Variants in RNF215 observed in about 807,000 individuals in gnomAD.
RNF215 encodes the protein ring finger protein 215.
Under a neutral mutation model 44.8 loss-of-function variants are expected in RNF215, and 41 were observed. The observed-to-expected ratio is 0.92, with a 90% CI of 0.71 to 1.19. The LOEUF (loss-of-function observed/expected upper bound fraction) is 1.19. RNF215 is among the 50% of genes most tolerant of loss of function. RNF215 has a pLI of 0.00. For synonymous variants in RNF215, 218 were observed against 230.1 expected (o/e 0.95, Z 0.48); for missense variants, 452 against 496.2 (o/e 0.91, Z 0.85).
rs201066835 is a variant in RNF215, at chr22:30,386,054, G to A, written c.501+16C>T. 62 of 1,613,808 alleles carry A rather than the reference G, an allele frequency of 3.8e-5. No homozygotes were observed. Among genetic ancestry groups the A allele is most frequent in the Non-Finnish European group, 4.8e-5 (57 of 1,179,866 alleles). On this transcript the variant is annotated intron_variant, in intron 3 of 8. Transcript: ENST00000382363. ...TTTCCCCAGCTTGCTTACCCTCACG[G>A]CCTGGTCCGATTTACCTCTCGGACC...
intron 2 of RNF215, 32 bp from the exon 3 acceptor site, chr22:30,386,173 T>C (rs1933597515): frequency 1.9e-6 from 3 of 1,557,668 alleles, no homozygotes; most frequent in Non-Finnish European, 2.6e-6. Flanking sequence ...GAGGCTAGCA[T>C]ATACCCTGCC....
intron 5 of RNF215, among the ~76,000 whole-genome samples, chr22:30,383,722 G>A (rs80147493): frequency 6.6e-5 from 10 of 152,288 alleles, no homozygotes; most frequent in South Asian, 4.1e-4. Flanking sequence ...ACAAAGTGAC[G>A]CGCCTCATCA....
In RNF215 at chr22:30,380,777, ATCCTCCTGCACT is replaced by A. The variant is rs1016835530; in HGVS notation, c.745-388_745-377del. Among the ~76,000 whole-genome samples, 7 of 151,602 alleles carry A rather than the reference ATCCTCCTGCACT, an allele frequency of 4.6e-5. No homozygotes were observed. The highest frequency in any genetic ancestry group is 8.8e-5 in the Non-Finnish European group (6 of 67,878). On this transcript the variant is annotated intron_variant, in intron 5 of 8. Coordinates refer to ENST00000382363, the MANE Select transcript of RNF215 (RefSeq NM_001017981.2). This position sits in a 1 kb window ranked among gnomAD's most constrained non-coding sequence, Gnocchi z 5.3. ...GGGACCTGCTCACTCTCCCACCCCC[ATCCTCCTGCACT>A]TCCTCCTGGTCGGCTTTCTCAGGCC...
Position 30,380,544 on chromosome 22 carries a change from C to A in RNF215, c.745-143G>T. ...TCCCTGCAGTCCCCAGCTTCCTCTTCTGAAGGCTCCGTCTCTTCCATTGTG... is the reference window on the plus strand; with the variant it reads ...TCCCTGCAGTCCCCAGCTTCCTCTTATGAAGGCTCCGTCTCTTCCATTGTG... On this transcript the variant is annotated intron_variant, in intron 5 of 8. Transcript: ENST00000382363. The surrounding 1 kb of genome is among the most constrained non-coding windows in gnomAD (Gnocchi z 5.3). 1 of 1,007,162 alleles carries A rather than the reference C, an allele frequency of 9.9e-7. No homozygotes were observed. Among genetic ancestry groups the A allele is most frequent in the Non-Finnish European group, 1.4e-6 (1 of 697,670 alleles). 62.4% of individuals were successfully genotyped at this position (1,007,162 alleles called of 1,614,324 possible).
rs1401868749 is a variant in RNF215, at chr22:30,386,053, G to T, written c.501+17C>A. On this transcript the variant is annotated intron_variant, in intron 3 of 8. Coordinates refer to ENST00000382363, the MANE Select transcript of RNF215 (RefSeq NM_001017981.2). Reference sequence around the variant, plus strand: ...CTTTCCCCAGCTTGCTTACCCTCACGGCCTGGTCCGATTTACCTCTCGGAC... The same window carrying T: ...CTTTCCCCAGCTTGCTTACCCTCACTGCCTGGTCCGATTTACCTCTCGGAC... The T allele has an allele frequency of 6.2e-7, 1 of 1,613,772 alleles. No homozygotes were observed. Among genetic ancestry groups the T allele is most frequent in the African/African-American group, 1.3e-5 (1 of 75,016 alleles).
chr22:30,385,492 G>A (rs1477253593), intron 4 of RNF215, among the ~76,000 whole-genome samples: 1 of 150,344 alleles, frequency 6.7e-6, no homozygotes, highest in Non-Finnish European at 1.5e-5. Context: ...GGCAGCAGGG[G>A]CAGCAGCAGC....
Position 30,379,613 on chromosome 22 carries a change from T to C in RNF215, c.1121A>G (p.Tyr374Cys), listed in dbSNP as rs1933491526. The C allele has an allele frequency of 6.4e-7, 1 of 1,550,790 alleles. No individual in the cohort carries two copies. Residue 374 changes from tyrosine to cysteine, a missense_variant, in exon 9 of 9, where the codon TAC (tyrosine) becomes TGC (cysteine). Coordinates refer to ENST00000382363, the MANE Select transcript of RNF215 (RefSeq NM_001017981.2). ...LCKFNVLGNR[Y>C]SDD The stretch of plus-strand genomic sequence containing the variant: ...CCAGCTGGGCAGCTAATCATCGGAG[T>C]AGCGGTTCCCTGCAGGGGAGGGGAA...
At position 30,380,477 on chromosome 22, in the gene RNF215, C is replaced by T. The variant is rs571793536; in HGVS notation, c.745-76G>A. 1.7e-5 allele frequency: 26 copies of T among 1,510,764 alleles called. No individual in the cohort carries two copies. Among genetic ancestry groups the T allele is most frequent in the South Asian group, 9.2e-5 (7 of 75,680 alleles). The allele number at this position is 1,510,764 out of a possible 1,614,324, so 93.6% of individuals were successfully genotyped here. ...CCTTAGGAACATCTACCCCCAGGAA[C>T]GCCAGGGAGCAGGCAGGTGAGGTAT... On this transcript the variant is annotated intron_variant, in intron 5 of 8. Coordinates refer to ENST00000382363, the MANE Select transcript of RNF215 (RefSeq NM_001017981.2). This position sits in a 1 kb window ranked among gnomAD's most constrained non-coding sequence, Gnocchi z 5.3.
At position 30,380,149 on chromosome 22, in the gene RNF215, G is replaced by A. The variant is rs1933506189; in HGVS notation, c.921C>T (p.Arg307=). 1 of 1,613,914 alleles carries A rather than the reference G, an allele frequency of 6.2e-7. No homozygotes were observed. Among genetic ancestry groups the A allele is most frequent in the South Asian group, 1.1e-5 (1 of 91,088 alleles). Residue 307 remains arginine, a synonymous_variant, in exon 7 of 9, where the codon CGC becomes CGT. Coordinates refer to ENST00000382363, the MANE Select transcript of RNF215 (RefSeq NM_001017981.2). The surrounding 1 kb of genome is among the most constrained non-coding windows in gnomAD (Gnocchi z 5.3). ...VRRLASLKTR[R]CRLSRAAQGL... ...CCTGCGCTGCCCTGCTCAGCCGGCA[G>A]CGCCGTGTCTTGAGGGATGCCAGTC...
chr22:30,385,861 C>G, intron 4 of RNF215, 43 bp downstream of exon 4: 1 of 1,580,386 alleles, frequency 6.3e-7, no homozygotes. Flanking sequence ...CAGGGGCTCT[C>G]TGTACCCAGG....
Position 30,387,303 on chromosome 22 carries a change from G to A in RNF215, c.11C>T (p.Ala4Val), listed in dbSNP as rs1933618103. The A allele has an allele frequency of 1.9e-6, 2 of 1,068,430 alleles. No homozygotes were observed. The highest frequency in any genetic ancestry group is 1.4e-4 in the East Asian group (2 of 14,674). 66.2% of individuals were successfully genotyped at this position (1,068,430 alleles called of 1,614,324 possible). The change falls in exon 1 of 9, where the codon GCC becomes GTC. Residue 4 changes from alanine (A) to valine (V), a missense_variant. Physicochemically the swap from Ala to Val is moderately conservative, Grantham distance 64 (BLOSUM62 0). Coordinates refer to ENST00000382363, the MANE Select transcript of RNF215 (RefSeq NM_001017981.2). The stretch of plus-strand genomic sequence containing the variant: ...CGGCGATCTCAGCGCGGGGCGAGCG[G>A]CGGGGCCCATGGCCGGACCCGGCGA... MGP[A>V]ARPALRSPPP...
At chr22:30,385,819 TG>T in intron 4 of RNF215, 84 bp downstream of exon 4, 2 of 1,226,162 alleles carry the variant, frequency 1.6e-6, no homozygotes, top group African/African-American at 1.5e-5. Context: ...GGTAAGGCCC[TG>T]GTCCCAAGCC....
At chr22:30,384,985 T>G (rs774330629) in intron 4 of RNF215, among the ~76,000 whole-genome samples, 153 of 152,274 alleles carry the variant, frequency 1.0e-3, no homozygotes, top group South Asian at 3.9e-3. Context: ...CTAATTTTTG[T>G]ATTTTTTTGT....
rs550857239 is a variant in RNF215 at position 30,380,221 on chromosome 22, G to A, written c.865-16C>T. ...ACAGGTCCACCTGTGGGGAGAGGAC[G>A]GGCACAGTCTTGCAGGTCCAAGGGC... is the stretch of plus-strand genomic sequence containing the variant. On this transcript the variant is annotated splice_polypyrimidine_tract_variant and intron_variant, in intron 6 of 8. Coordinates refer to ENST00000382363, the MANE Select transcript of RNF215 (RefSeq NM_001017981.2). The surrounding 1 kb of genome is among the most constrained non-coding windows in gnomAD (Gnocchi z 5.3). 19 of 1,613,070 alleles carry A rather than the reference G, an allele frequency of 1.2e-5. No homozygotes were observed. Among genetic ancestry groups the A allele is most frequent in the South Asian group, 4.4e-5 (4 of 91,052 alleles).
Position 30,386,107 on chromosome 22 carries a change from A to T in RNF215, c.464T>A (p.Leu155Gln). The T allele has an allele frequency of 1.2e-6, 2 of 1,603,158 alleles. No homozygotes were observed. Among genetic ancestry groups the T allele is most frequent in the Non-Finnish European group, 8.5e-7 (1 of 1,175,120 alleles). Residue 155 changes from leucine to glutamine, a missense_variant, in exon 3 of 9, where the codon CTG becomes CAG. By Grantham distance (113) the Leu-to-Gln change is moderately radical. Coordinates refer to ENST00000382363, the MANE Select transcript of RNF215 (RefSeq NM_001017981.2). ...RRALFLGASA[L>Q]LLLILNHNVV... ...GTTGTGGTTCAGGATGAGAAGAAGCAGGGCAGAGGCACCCAGGAAGAGGGC... is the reference window on the plus strand; with the variant it reads ...GTTGTGGTTCAGGATGAGAAGAAGCTGGGCAGAGGCACCCAGGAAGAGGGC...
In RNF215 at chr22:30,387,368, G is replaced by T; in HGVS notation, c.-55C>A. 8 of 1,027,888 alleles carry T rather than the reference G, an allele frequency of 7.8e-6. No homozygotes were observed. Among genetic ancestry groups the T allele is most frequent in the Non-Finnish European group, 9.3e-6 (8 of 855,940 alleles). The allele number at this position is 1,027,888 out of a possible 1,614,324, so 63.7% of individuals were successfully genotyped here. A position where few individuals can be genotyped will look rare whatever the true frequency, so the allele number is the denominator to read the frequency against. ...GGGGCCAGGGGTCCCGGGCGCGGGGGGGATCGGAGGGAGCGAGGCCGCTGC... is the reference window on the plus strand; with the variant it reads ...GGGGCCAGGGGTCCCGGGCGCGGGGTGGATCGGAGGGAGCGAGGCCGCTGC... On this transcript the variant is annotated 5_prime_UTR_variant, in exon 1 of 9. Coordinates refer to ENST00000382363, the MANE Select transcript of RNF215 (RefSeq NM_001017981.2).
chr22:30,387,254 C>A lies in RNF215; in HGVS notation c.60G>T (p.Pro20=). The part of the protein sequence containing the change: ...RSPPPPPPPP[P]SPLLLLLPLL... The stretch of plus-strand genomic sequence containing the variant: ...GGGGCAGCAGCAGCAGCAGCGGAGA[C>A]GGAGGCGGCGGCGGAGGCGGCGGCG... Residue 20 remains proline (P), a synonymous_variant, in exon 1 of 9, where the codon CCG becomes CCT. Transcript: ENST00000382363. The A allele has an allele frequency of 2.9e-6, 3 of 1,026,416 alleles. No individual in the cohort carries two copies. The highest frequency in any genetic ancestry group is 3.5e-6 in the Non-Finnish European group (3 of 851,242). 63.6% of individuals were successfully genotyped at this position (1,026,416 alleles called of 1,614,324 possible).
rs1475323292 is a variant in RNF215, at chr22:30,386,591, C to T, written c.429+25G>A. On this transcript the variant is annotated intron_variant, in intron 2 of 8. Transcript: ENST00000382363. ...GCCTTGGAATCCTTTCCTCCAGCCC[C>T]CTCCCCCATAGACATCCCCTGCACC... 1.9e-6 allele frequency: 3 copies of T among 1,602,008 alleles called. No homozygotes were observed. The South Asian group carries it at 3.3e-5, about 18-fold the overall frequency.
At chr22:30,385,027 G>T (rs1478037408) in intron 4 of RNF215, among the ~76,000 whole-genome samples, 1 of 152,050 alleles carries the variant, frequency 6.6e-6, no homozygotes, top group Non-Finnish European at 1.5e-5. Context: ...TGCCCAGGCT[G>T]GTCTCAAACT....
Sources: gnomAD v4.1 joint callset for allele counts (sites outside exome capture counted in the v4.1 genomes callset) on GRCh38, gnomAD v4.1.1 for gene constraint, Gnocchi (gnomAD v3.1) non-coding constraint, MANE v1.5 for transcripts, NCBI Gene and HGNC (gene_info 2026-07-23, HGNC 2026-07-21) for gene names.